PLCH2: variants seen among roughly 807,000 people sequenced by gnomAD.
PLCH2 encodes 1-phosphatidylinositol 4,5-bisphosphate phosphodiesterase eta-2.
PLCH2 carries 98 observed loss-of-function variants against 134.7 expected under a neutral mutation model. That is an observed-to-expected ratio of 0.73 (90% confidence interval 0.62 to 0.86). The LOEUF is 0.86. Ranked by LOEUF, PLCH2 falls within the 40% of genes least tolerant of loss-of-function variation. PLCH2 has a pLI of 0.00. For missense variants in PLCH2, 1,994 were observed against 1,986.6 expected (o/e 1.00, Z -0.07); for synonymous variants, 974 against 827.5 (o/e 1.18, Z -3.04).
chr1:2,487,803 T>A (rs1642367397), intron 8 of PLCH2, 85 bp downstream of exon 8: 5 of 1,307,812 alleles, frequency 3.8e-6, no homozygotes, highest in Admixed American at 2.0e-5. Context: ...CACACCCACA[T>A]GTCCTTTCTT....
In PLCH2 at chr1:2,503,932, CCTCTCCACGCAGCGGCCACT is replaced by C; in HGVS notation, c.2972_2991del (p.Leu991ProfsTer11). 8.8e-7 allele frequency: 1 copy of C among 1,138,350 alleles called. No homozygotes were observed. Among genetic ancestry groups the C allele is most frequent in the Non-Finnish European group, 1.3e-6 (1 of 779,004 alleles). The allele number at this position is 1,138,350 out of a possible 1,614,324, so 70.5% of individuals were successfully genotyped here. On this transcript the variant is annotated frameshift_variant, in exon 22 of 22. Transcript: ENST00000378486. LOFTEE classifies it high-confidence loss of function. ...CCCACCTCCCCACAGACACCCGCCC[CCTCTCCACGCAGCGGCCACT>C]CCCCCCACTGTGCAGCCTGGAAACC...
chr1:2,467,278 C>G (rs954416470), upstream of PLCH2, among the ~76,000 whole-genome samples: 3 of 152,160 alleles, frequency 2.0e-5, no homozygotes, highest in Non-Finnish European at 4.4e-5. Flanking sequence ...CTTCTGGCCT[C>G]TCAGCGGAGC....
intron 8 of PLCH2, among the ~76,000 whole-genome samples, chr1:2,488,851 C>T (rs1298184252): frequency 2.0e-5 from 3 of 152,250 alleles, no homozygotes; most frequent in Admixed American, 2.0e-4. Context: ...TAGCTCCACA[C>T]TGTACCTTGG....
intron 1 of PLCH2, among the ~76,000 whole-genome samples, chr1:2,429,166 G>T (rs1356504936): frequency 2.0e-5 from 3 of 152,256 alleles, no homozygotes; most frequent in South Asian, 4.1e-4. Flanking sequence ...AAGGGTGGGG[G>T]TCCTACCTGC....
intron 2 of PLCH2, among the ~76,000 whole-genome samples, chr1:2,456,341 C>G (rs1166034742): frequency 6.6e-6 from 1 of 152,206 alleles, no homozygotes; most frequent in African/African-American, 2.4e-5. Flanking sequence ...CCCGCAGGGT[C>G]TTGGAGGGGC....
the PLCH2 span, among the ~76,000 whole-genome samples, chr1:2,418,752 G>A: frequency 6.6e-6 from 1 of 152,334 alleles, no homozygotes; most frequent in African/African-American, 2.4e-5. Context: ...AGTGAGCCGT[G>A]TGCTCCGCAG....
chr1:2,480,116 A>G, intron 3 of PLCH2, 67 bp from the exon 4 acceptor site: 1 of 1,598,816 alleles, frequency 6.3e-7, no homozygotes, highest in Non-Finnish European at 8.5e-7. Flanking sequence ...CTTCCTCCCT[A>G]GGCCAGAGGG....
upstream of PLCH2, among the ~76,000 whole-genome samples, chr1:2,422,615 T>C (rs1638575302): frequency 6.6e-6 from 1 of 152,248 alleles, no homozygotes; most frequent in South Asian, 2.1e-4. Context: ...GGACTTTTTG[T>C]ATTGTTACAT....
At chr1:2,418,491 G>T in the PLCH2 span, among the ~76,000 whole-genome samples, 1 of 152,200 alleles carries the variant, frequency 6.6e-6, no homozygotes, top group Non-Finnish European at 1.5e-5. Context: ...GCTGGCATTG[G>T]GCCCCACCCA....
At chr1:2,477,750 TC>T (rs1641712621) in intron 1 of PLCH2, among the ~76,000 whole-genome samples, 1 of 152,112 alleles carries the variant, frequency 6.6e-6, no homozygotes, top group Non-Finnish European at 1.5e-5. Context: ...GAAGCTCGGA[TC>T]CGGCACCACA....
At chr1:2,470,183 C>T (rs569977316) in intron 1 of PLCH2, among the ~76,000 whole-genome samples, 2 of 152,362 alleles carry the variant, frequency 1.3e-5, no homozygotes, top group East Asian at 1.9e-4. Context: ...TCACATTGAT[C>T]AGGCCCCTGG....
At chr1:2,473,437 C>T (rs762568882), upstream of PLCH2, among the ~76,000 whole-genome samples, 7 of 152,248 alleles carry the variant, frequency 4.6e-5, no homozygotes, top group Non-Finnish European at 7.3e-5. Context: ...GCCCCGTCTG[C>T]CCGTCTGTCC....
At chr1:2,487,538 G>T in intron 7 of PLCH2, 60 bp from the exon 8 acceptor site, 2 of 1,571,218 alleles carry the variant, frequency 1.3e-6, no homozygotes, top group South Asian at 2.4e-5. Flanking sequence ...TCGAAGCTCA[G>T]CCTGCCTGGG....
chr1:2,479,014 G>T (rs184498707), intron 2 of PLCH2: 85 of 224,536 alleles, frequency 3.8e-4, no homozygotes, highest in Admixed American at 6.5e-4. Context: ...CAGCCACTGG[G>T]CATGGCTGCT....
intron 2 of PLCH2, chr1:2,479,258 C>G (rs569866833): frequency 3.6e-5 from 6 of 167,316 alleles, no homozygotes; most frequent in Admixed American, 3.3e-4. Context: ...ACTTTGGGCC[C>G]GTGGAGAGAG....
Position 2,504,096 on chromosome 1 carries a change from TAG to T in PLCH2, c.3137_3138del (p.Glu1046GlyfsTer3). ...CCCGGAGCCAATGTGGCAAGCCCCC[TAG>T]AGGACACTGAGGAGCCCCGAGACAG... is the stretch of plus-strand genomic sequence containing the variant. On this transcript the variant is annotated frameshift_variant, in exon 22 of 22. Coordinates refer to ENST00000378486, the MANE Select transcript of PLCH2 (RefSeq NM_014638.4). LOFTEE classifies it high-confidence loss of function. The T allele has an allele frequency of 6.5e-7, 1 of 1,536,338 alleles. No homozygotes were observed. Among genetic ancestry groups the T allele is most frequent in the Non-Finnish European group, 8.8e-7 (1 of 1,141,768 alleles).
At chr1:2,454,705 A>G (rs1640404733) in intron 2 of PLCH2, among the ~76,000 whole-genome samples, 1 of 152,048 alleles carries the variant, frequency 6.6e-6, no homozygotes, top group Non-Finnish European at 1.5e-5. Context: ...AGGGTCTGGG[A>G]TAAACCGGGA....
At chr1:2,483,347 G>A (rs1642077862) in intron 4 of PLCH2, among the ~76,000 whole-genome samples, 1 of 152,228 alleles carries the variant, frequency 6.6e-6, no homozygotes, top group African/African-American at 2.4e-5. Context: ...CGAAGTGACA[G>A]CAGGCGGCTC....
At position 2,489,345 on chromosome 1, in the gene PLCH2, T is replaced by C. The variant is rs986843169; in HGVS notation, c.1374T>C (p.Ser458=). ...VSSEDATTLP[S]PQMLKGKILV... ...GTGAAGATGCCACCACACTCCCCTC[T>C]CCACAGATGCTCAAGGGCAAGATCC... The change falls in exon 9 of 22, where the codon TCT becomes TCC. Residue 458 remains serine, a synonymous_variant. Coordinates refer to ENST00000378486, the MANE Select transcript of PLCH2 (RefSeq NM_014638.4). 3.7e-6 allele frequency: 6 copies of C among 1,613,606 alleles called. No individual in the cohort carries two copies. The highest frequency in any genetic ancestry group is 3.3e-5 in the Admixed American group (2 of 60,000).
Sources: gnomAD v4.1 joint callset for allele counts (sites outside exome capture counted in the v4.1 genomes callset) on GRCh38, gnomAD v4.1.1 for gene constraint, MANE v1.5 for transcripts, NCBI Gene and HGNC (gene_info 2026-07-23, HGNC 2026-07-21) for gene names.